ARHGAP15: variants seen among roughly 807,000 people sequenced by gnomAD.
The protein encoded by ARHGAP15 is rho GTPase-activating protein 15.
In ARHGAP15, 51 loss-of-function variants were observed where a neutral mutation model predicts 63.7. The observed-to-expected ratio is 0.80, with a 90% CI of 0.64 to 1.01. The LOEUF is 1.01. ARHGAP15 is among the 50% of genes least tolerant of loss of function. The probability of loss-of-function intolerance (pLI) is 0.00; values close to 1 mark genes in which losing one functional copy is unlikely to be tolerated. For missense variants in ARHGAP15, 560 were observed against 564.6 expected, an observed-to-expected ratio of 0.99 and a Z score of 0.08; for synonymous variants, 191 against 193.8, an observed-to-expected ratio of 0.99 and a Z score of 0.12.
intron 12 of ARHGAP15, among the ~76,000 whole-genome samples, chr2:143,665,106 C>T (rs1299122859): frequency 6.6e-6 from 1 of 151,666 alleles, no homozygotes; most frequent in Non-Finnish European, 1.5e-5. Flanking sequence ...CTGGCAGAGA[C>T]ACAACCAAAA....
rs1480448873 is a variant in ARHGAP15 at position 143,627,302 on chromosome 2, G to T, written c.1138+3035G>T. The stretch of plus-strand genomic sequence containing the variant: ...AGAGGGATCAACCAACAGGGTAATG[G>T]GGCTGAGACATATGATATTGGACAG... On this transcript the variant is annotated intron_variant, in intron 12 of 13. Coordinates refer to ENST00000295095, the MANE Select transcript of ARHGAP15 (RefSeq NM_018460.4). Among the ~76,000 whole-genome samples, 6 of 152,156 alleles carry T rather than the reference G, an allele frequency of 3.9e-5. No homozygotes were observed. In the East Asian group the frequency reaches 9.6e-4, roughly 24 times the overall value.
chr2:143,547,163 T>C (rs1695368256), intron 10 of ARHGAP15, among the ~76,000 whole-genome samples: 1 of 152,172 alleles, frequency 6.6e-6, no homozygotes, highest in Non-Finnish European at 1.5e-5. Flanking sequence ...TCTACTATCC[T>C]ACAGGCTTCA....
intron 8 of ARHGAP15, among the ~76,000 whole-genome samples, chr2:143,471,647 T>C (rs1691583680): frequency 6.6e-6 from 1 of 152,058 alleles, no homozygotes; most frequent in African/African-American, 2.4e-5. Context: ...TGAGGTATGT[T>C]ACCATGTGGA....
chr2:143,639,522 G>GCACCT (rs1403206731), intron 12 of ARHGAP15, among the ~76,000 whole-genome samples: 4 of 152,074 alleles, frequency 2.6e-5, no homozygotes, highest in Admixed American at 2.0e-4. Context: ...TTAGCTAAGA[G>GCACCT]CACCTATTCT....
At chr2:143,187,127 TAG>T (rs1217058748) in intron 2 of ARHGAP15, among the ~76,000 whole-genome samples, 1 of 152,106 alleles carries the variant, frequency 6.6e-6, no homozygotes, top group Non-Finnish European at 1.5e-5. Context: ...AAGATAAACA[TAG>T]AGTTAGATAA....
intron 5 of ARHGAP15, among the ~76,000 whole-genome samples, chr2:143,232,465 G>A (rs1321611462): frequency 6.6e-6 from 1 of 152,124 alleles, no homozygotes; most frequent in Non-Finnish European, 1.5e-5. Flanking sequence ...AAAGGATGGT[G>A]TTCATATTCT....
chr2:143,501,670 T>A (rs950288662), intron 9 of ARHGAP15, among the ~76,000 whole-genome samples: 1 of 152,182 alleles, frequency 6.6e-6, no homozygotes, highest in Admixed American at 6.5e-5. Flanking sequence ...GTAGTACGAG[T>A]AAATAATTTT....
chr2:143,243,444 A>C (rs184530293), intron 5 of ARHGAP15, among the ~76,000 whole-genome samples: 22 of 152,246 alleles, frequency 1.4e-4, no homozygotes, highest in South Asian at 6.2e-4. Flanking sequence ...AAGTATTTTA[A>C]AAATCAGTCA....
At chr2:143,363,013 C>A (rs1256799034) in intron 6 of ARHGAP15, among the ~76,000 whole-genome samples, 1 of 152,136 alleles carries the variant, frequency 6.6e-6, no homozygotes, top group Non-Finnish European at 1.5e-5. Flanking sequence ...TGAAGTCAAG[C>A]CATTTTCCTA....
At chr2:143,543,457 C>T (rs912630021) in intron 10 of ARHGAP15, among the ~76,000 whole-genome samples, 2 of 151,996 alleles carry the variant, frequency 1.3e-5, no homozygotes, top group South Asian at 2.1e-4. Flanking sequence ...TGTTAACATC[C>T]TGTCAAATGT....
At chr2:143,352,111 A>G (rs77426655) in intron 6 of ARHGAP15, among the ~76,000 whole-genome samples, 1,832 of 152,276 alleles carry the variant, frequency 0.012, 35 homozygotes, top group African/African-American at 0.042. Context: ...AGTTTGATTT[A>G]CATTGTATTG....
intron 13 of ARHGAP15, among the ~76,000 whole-genome samples, chr2:143,720,864 T>A (rs2105462377): frequency 6.6e-6 from 1 of 151,992 alleles, no homozygotes; most frequent in East Asian, 1.9e-4. Context: ...GGTCAGGAGA[T>A]CAAGACCATC....
At chr2:143,307,700 G>A (rs62170421) in intron 6 of ARHGAP15, among the ~76,000 whole-genome samples, 10,484 of 152,210 alleles carry the variant, frequency 0.069, 484 homozygotes, top group Non-Finnish European at 0.11. Flanking sequence ...AATACCTACT[G>A]TTTGGAGTCT....
At chr2:143,644,471 G>A (rs1360478394) in intron 12 of ARHGAP15, among the ~76,000 whole-genome samples, 1 of 152,022 alleles carries the variant, frequency 6.6e-6, no homozygotes. Flanking sequence ...AGGAGTGCAG[G>A]CAAAGATCAG....
At chr2:143,668,132 C>G (rs974858000) in intron 12 of ARHGAP15, among the ~76,000 whole-genome samples, 1 of 151,854 alleles carries the variant, frequency 6.6e-6, no homozygotes, top group African/African-American at 2.4e-5. Context: ...TAACACTGTT[C>G]GCAAATCTGA....
chr2:143,470,569 TAGTG>T (rs1347167953), intron 8 of ARHGAP15, among the ~76,000 whole-genome samples: 1 of 150,292 alleles, frequency 6.7e-6, no homozygotes, highest in Non-Finnish European at 1.5e-5. Context: ...AGCATAAAAG[TAGTG>T]TGTGTGTGTA....
intron 6 of ARHGAP15, among the ~76,000 whole-genome samples, chr2:143,307,371 TA>T (rs935685092): frequency 6.6e-6 from 1 of 152,156 alleles, no homozygotes; most frequent in African/African-American, 2.4e-5. Flanking sequence ...GCCAAGGGGT[TA>T]TAATTTTGGA....
At chr2:143,649,904 C>A (rs1486061491) in intron 12 of ARHGAP15, among the ~76,000 whole-genome samples, 1 of 151,816 alleles carries the variant, frequency 6.6e-6, no homozygotes, top group Non-Finnish European at 1.5e-5. Flanking sequence ...ATACTTTCAC[C>A]TATAAAGTAC....
At chr2:143,150,028 G>A (rs1689753428) in intron 1 of ARHGAP15, among the ~76,000 whole-genome samples, 2 of 151,874 alleles carry the variant, frequency 1.3e-5, no homozygotes, top group Admixed American at 1.3e-4. Context: ...GTGGGTCTAT[G>A]GCGAAATCAA....
Sources: allele counts gnomAD v4.1 joint callset (sites outside exome capture counted in the v4.1 genomes callset), GRCh38; gene constraint gnomAD v4.1.1; transcripts MANE v1.5; gene names NCBI Gene and HGNC (gene_info 2026-07-23, HGNC 2026-07-21).